Variants in PLCB1 observed in about 807,000 individuals in gnomAD.
PLCB1 encodes phospholipase C beta 1, also known as 1-phosphatidylinositol 4,5-bisphosphate phosphodiesterase beta-1.
PLCB1 carries 46 observed loss-of-function variants against 161.8 expected under a neutral mutation model. That is an observed-to-expected ratio of 0.28 (90% CI 0.22 to 0.36). PLCB1 has a LOEUF of 0.36. PLCB1 is among the 10% of genes least tolerant of loss of function. The probability of loss-of-function intolerance (pLI) is 1.00; values close to 1 mark genes in which losing one functional copy is unlikely to be tolerated. For synonymous variants in PLCB1, 517 were observed against 503.7 expected, an observed-to-expected ratio of 1.03 and a Z score of -0.35; for missense variants, 1,016 against 1,472.5, an observed-to-expected ratio of 0.69 and a Z score of 5.07.
At chr20:8,350,340 G>A (rs915763984) in intron 2 of PLCB1, among the ~76,000 whole-genome samples, 1 of 152,154 alleles carries the variant, frequency 6.6e-6, no homozygotes, top group South Asian at 2.1e-4. Flanking sequence ...AGAACATGTG[G>A]TGTTTGGTTT....
chr20:8,239,081 C>T (rs1247017979), intron 2 of PLCB1, among the ~76,000 whole-genome samples: 2 of 151,794 alleles, frequency 1.3e-5, no homozygotes, highest in African/African-American at 2.4e-5. Flanking sequence ...AGAAAGAACC[C>T]TAAGTGAAAG....
At chr20:8,553,965 G>A (rs1312655264) in intron 3 of PLCB1, among the ~76,000 whole-genome samples, 3 of 151,790 alleles carry the variant, frequency 2.0e-5, no homozygotes, top group Admixed American at 6.6e-5. Flanking sequence ...TTGCACTACT[G>A]TTCTCCAGCC....
At chr20:8,204,464 C>T (rs1024163757) in intron 2 of PLCB1, among the ~76,000 whole-genome samples, 2 of 152,058 alleles carry the variant, frequency 1.3e-5, no homozygotes, top group Admixed American at 6.6e-5. Flanking sequence ...GCTCCAATCT[C>T]GGGTTGAATT....
At chr20:8,624,694 A>C (rs1475125455) in intron 3 of PLCB1, among the ~76,000 whole-genome samples, 1 of 152,214 alleles carries the variant, frequency 6.6e-6, no homozygotes, top group Non-Finnish European at 1.5e-5. Flanking sequence ...CATTAACATG[A>C]GCTTTAACAA....
At chr20:8,553,307 T>G (rs1985834964) in intron 3 of PLCB1, among the ~76,000 whole-genome samples, 1 of 152,298 alleles carries the variant, frequency 6.6e-6, no homozygotes, top group African/African-American at 2.4e-5. Flanking sequence ...CTATTTAGAT[T>G]TGCTATTGAA....
chr20:8,706,160 C>T (rs1978659072), intron 11 of PLCB1, among the ~76,000 whole-genome samples: 1 of 152,244 alleles, frequency 6.6e-6, no homozygotes, highest in African/African-American at 2.4e-5. Flanking sequence ...CAACCCACAT[C>T]TATGATATCA....
intron 11 of PLCB1, among the ~76,000 whole-genome samples, chr20:8,701,655 G>A (rs1331891857): frequency 1.3e-5 from 2 of 152,144 alleles, no homozygotes; most frequent in African/African-American, 2.4e-5. Flanking sequence ...CAAAGACAGG[G>A]CTCTTTGTTC....
At chr20:8,682,544 A>G (rs1178953195) in intron 9 of PLCB1, among the ~76,000 whole-genome samples, 2 of 152,226 alleles carry the variant, frequency 1.3e-5, no homozygotes, top group Non-Finnish European at 2.9e-5. Flanking sequence ...TTGAGTTTCC[A>G]GAACTTGGGA....
At chr20:8,646,301 C>T (rs1016157592) in intron 5 of PLCB1, 120 bp downstream of exon 5, 2 of 705,306 alleles carry the variant, frequency 2.8e-6, no homozygotes, top group East Asian at 2.7e-5. Flanking sequence ...ACAAATTTTC[C>T]TTTGGGATTT....
Position 8,729,045 on chromosome 20 carries a change from T to C in PLCB1, c.1764-5T>C. On this transcript the variant is annotated splice_polypyrimidine_tract_variant and splice_region_variant and intron_variant, in intron 17 of 31. Coordinates refer to ENST00000338037, the MANE Select transcript of PLCB1 (RefSeq NM_015192.4). Reference sequence around the variant, plus strand: ...TTGTATTCACTACTTAACATGATGGTCCAGATATAACAAAATGCAGCTTAG... The same window carrying C: ...TTGTATTCACTACTTAACATGATGGCCCAGATATAACAAAATGCAGCTTAG... 1 of 1,600,956 alleles carries C rather than the reference T, an allele frequency of 6.2e-7. No homozygotes were observed. Among genetic ancestry groups the C allele is most frequent in the Non-Finnish European group, 8.5e-7 (1 of 1,171,982 alleles).
chr20:8,511,783 G>A (rs1397710029), intron 3 of PLCB1, among the ~76,000 whole-genome samples: 1 of 152,178 alleles, frequency 6.6e-6, no homozygotes, highest in Middle Eastern at 3.4e-3. Context: ...GTGATATTGA[G>A]CATTTTTTCA....
rs1302733461 is a variant in PLCB1, at chr20:8,547,281, T to C, written c.247-81013T>C. On this transcript the variant is annotated intron_variant, in intron 3 of 31. Coordinates refer to ENST00000338037, the MANE Select transcript of PLCB1 (RefSeq NM_015192.4). ...ACGGCAGACTTTGGGACTACTGTTT[T>C]TTTAAATAAACAATTATGGCATTTT... Among the ~76,000 whole-genome samples the C allele has an allele frequency of 5.3e-5, 8 of 152,352 alleles. No homozygotes were observed. In the South Asian group the frequency reaches 8.3e-4, roughly 16 times the overall value.
intron 2 of PLCB1, among the ~76,000 whole-genome samples, chr20:8,353,605 T>C (rs1226000840): frequency 2.6e-5 from 4 of 152,104 alleles, no homozygotes; most frequent in Non-Finnish European, 5.9e-5. Flanking sequence ...ATTTTACCTC[T>C]GTGGTCTCTC....
chr20:8,374,043 T>A (rs143131568), intron 3 of PLCB1, among the ~76,000 whole-genome samples: 3 of 152,238 alleles, frequency 2.0e-5, no homozygotes, highest in Non-Finnish European at 4.4e-5. Context: ...CTTTTTTTCA[T>A]CAGTATGCCA....
chr20:8,781,419 C>CAA (rs1178272838), intron 27 of PLCB1, among the ~76,000 whole-genome samples: 2 of 46,966 alleles, frequency 4.3e-5, no homozygotes, highest in African/African-American at 1.7e-4. Context: ...CACACACAAA[C>CAA]ACACACACAC....
At chr20:8,465,965 C>G (rs1438703967) in intron 3 of PLCB1, among the ~76,000 whole-genome samples, 2 of 149,118 alleles carry the variant, frequency 1.3e-5, no homozygotes, top group African/African-American at 2.5e-5. Context: ...CCAGCCATCC[C>G]ATTACTGGGT....
At chr20:8,283,899 A>G (rs1023529600) in intron 2 of PLCB1, among the ~76,000 whole-genome samples, 18 of 152,048 alleles carry the variant, frequency 1.2e-4, no homozygotes, top group Non-Finnish European at 1.9e-4. Context: ...TATGACCGTT[A>G]TCTGTTTTTC....
intron 26 of PLCB1, among the ~76,000 whole-genome samples, chr20:8,773,711 C>T (rs148700900): frequency 0.012 from 1,842 of 152,210 alleles, 41 homozygotes; most frequent in African/African-American, 0.041. Flanking sequence ...CGGTGGCTCA[C>T]GTCTGTAATC....
chr20:8,425,633 G>A (rs1370800155), intron 3 of PLCB1, among the ~76,000 whole-genome samples: 1 of 151,768 alleles, frequency 6.6e-6, no homozygotes, highest in Non-Finnish European at 1.5e-5. Flanking sequence ...AAAGAAAAAA[G>A]AAAGAAAAGA....
Sources: allele counts gnomAD v4.1 joint callset (sites outside exome capture counted in the v4.1 genomes callset), GRCh38; gene constraint gnomAD v4.1.1; transcripts MANE v1.5; gene names NCBI Gene and HGNC (gene_info 2026-07-23, HGNC 2026-07-21).